FRMPD4: variants seen among roughly 807,000 people sequenced by gnomAD.
FRMPD4 encodes the protein FERM and PDZ domain-containing protein 4.
FRMPD4 carries 22 observed loss-of-function variants against 94.1 expected under a neutral mutation model. The observed-to-expected ratio is 0.23, with a 90% CI of 0.17 to 0.33. The LOEUF (loss-of-function observed/expected upper bound fraction) is 0.33. Among genes scored for constraint, FRMPD4 ranks in the 10% least tolerant of loss-of-function variants. FRMPD4 has a pLI of 1.00. For synonymous variants in FRMPD4, 631 were observed against 548.6 expected (o/e 1.15, Z -2.10); for missense variants, 1,111 against 1,339.9 (o/e 0.83, Z 2.67).
chrX:12,450,657 AAG>A (rs1286764189), intron 1 of FRMPD4, among the ~76,000 whole-genome samples: 3 of 110,799 alleles, frequency 2.7e-5, no homozygotes, highest in East Asian at 2.8e-4. Context: ...TACTTTTTGA[AAG>A]AGAGATTATT....
chrX:12,494,313 C>T (rs1221259364), intron 1 of FRMPD4, among the ~76,000 whole-genome samples: 1 of 111,789 alleles, frequency 8.9e-6, no homozygotes, highest in East Asian at 2.8e-4. Flanking sequence ...TCCTCCTCCC[C>T]TCAGTTGTGA....
intron 9 of FRMPD4, among the ~76,000 whole-genome samples, chrX:12,699,865 T>C (rs59616108): frequency 9.0e-6 from 1 of 110,988 alleles, no homozygotes; most frequent in African/African-American, 3.3e-5. Flanking sequence ...AGGATTGGAC[T>C]AAAAGGGCCT....
intron 9 of FRMPD4, among the ~76,000 whole-genome samples, chrX:12,694,772 A>G (rs2060111752): frequency 8.9e-6 from 1 of 112,202 alleles, no homozygotes; most frequent in Non-Finnish European, 1.9e-5. Context: ...ACAAATGTAT[A>G]TAATTTTTTT....
chrX:11,969,606 T>C (rs2147379674), intron 3 of FRMPD4, among the ~76,000 whole-genome samples: 1 of 112,005 alleles, frequency 8.9e-6, no homozygotes, highest in South Asian at 3.8e-4. Flanking sequence ...GCAGTGATCA[T>C]CAGGTTCAAA....
At chrX:12,101,469 T>C (rs1170802466) in intron 3 of FRMPD4, among the ~76,000 whole-genome samples, 1 of 111,975 alleles carries the variant, frequency 8.9e-6, no homozygotes, top group East Asian at 2.8e-4. Flanking sequence ...CTCTTCTACA[T>C]GGTTGCTCTT....
At chrX:11,843,565 C>T (rs1270770162) in intron 1 of FRMPD4, among the ~76,000 whole-genome samples, 4 of 110,529 alleles carry the variant, frequency 3.6e-5, no homozygotes, top group South Asian at 3.8e-4. Context: ...TCTTTTCTTT[C>T]CTTTTTCTTT....
At chrX:11,864,521 G>T (rs957733184) in intron 1 of FRMPD4, among the ~76,000 whole-genome samples, 1 of 111,780 alleles carries the variant, frequency 8.9e-6, no homozygotes, top group South Asian at 3.7e-4. Flanking sequence ...TTTGGGAAAA[G>T]TGTATATTTC....
At chrX:12,541,672 C>A (rs181105384) in intron 2 of FRMPD4, among the ~76,000 whole-genome samples, 1 of 112,013 alleles carries the variant, frequency 8.9e-6, no homozygotes. Flanking sequence ...CAAGAAGGAG[C>A]TGGTACCATT....
intron 16 of FRMPD4, among the ~76,000 whole-genome samples, chrX:12,720,099 G>T (rs1025474297): frequency 1.9e-5 from 2 of 106,524 alleles, no homozygotes; most frequent in Non-Finnish European, 3.9e-5. Context: ...AAAGAAAGGA[G>T]GAAGAAAGAA....
At chrX:12,467,589 T>G (rs190851717) in intron 1 of FRMPD4, among the ~76,000 whole-genome samples, 1 of 112,302 alleles carries the variant, frequency 8.9e-6, no homozygotes. Context: ...CAAAATAGAT[T>G]AAGAGAAAAT....
At chrX:12,385,070 G>A (rs1601882779) in intron 1 of FRMPD4, among the ~76,000 whole-genome samples, 1 of 112,084 alleles carries the variant, frequency 8.9e-6, no homozygotes, top group East Asian at 2.8e-4. Flanking sequence ...TGAGAAAGCT[G>A]TCCAGAGGAG....
intron 1 of FRMPD4, among the ~76,000 whole-genome samples, chrX:12,257,069 G>A (rs1197081915): frequency 1.8e-5 from 2 of 112,073 alleles, no homozygotes; most frequent in Non-Finnish European, 3.8e-5. Context: ...TATCATACTA[G>A]TTGAAATGAC....
chrX:12,700,776 A>G (rs746200892), intron 9 of FRMPD4, among the ~76,000 whole-genome samples: 1 of 112,634 alleles, frequency 8.9e-6, no homozygotes, highest in Non-Finnish European at 1.9e-5. Context: ...CCAGTGAGAT[A>G]GTATGAATCC....
intron 1 of FRMPD4, among the ~76,000 whole-genome samples, chrX:12,412,946 G>A (rs1362033476): frequency 9.1e-6 from 1 of 110,253 alleles, no homozygotes; most frequent in African/African-American, 3.3e-5. Context: ...GCCTCCATGG[G>A]TAGTAAAAAT....
chrX:12,197,424 C>T, intron 1 of FRMPD4, among the ~76,000 whole-genome samples: 1 of 111,804 alleles, frequency 8.9e-6, no homozygotes, highest in East Asian at 2.8e-4. Context: ...ATGTCTGCTC[C>T]TGGCCTTCTG....
At position 12,230,976 on chromosome X, in the gene FRMPD4, AT is replaced by A. The variant is rs770120182; in HGVS notation, c.41+91965del. Among the ~76,000 whole-genome samples the A allele has an allele frequency of 8.7e-3, 492 of 56,495 alleles. 2 individuals carry two copies. The highest frequency in any genetic ancestry group is 0.03 in the African/African-American group (468 of 15,548). 49.1% of individuals were successfully genotyped at this position (56,495 alleles called of 115,157 possible). A position where few individuals can be genotyped will look rare whatever the true frequency, so the allele number is the denominator to read the frequency against. On this transcript the variant is annotated intron_variant, in intron 1 of 16. Transcript: ENST00000675598. ...TAGTATATATAGTAAATATATAGTA[AT>A]ATATATAGTATATATAGTATATATA...
intron 1 of FRMPD4, among the ~76,000 whole-genome samples, chrX:12,477,412 A>C (rs763231699): frequency 8.9e-6 from 1 of 112,118 alleles, no homozygotes; most frequent in Non-Finnish European, 1.9e-5. Flanking sequence ...TATGTAACAA[A>C]CCTGCACGTT....
intron 1 of FRMPD4, among the ~76,000 whole-genome samples, chrX:12,178,142 T>A (rs2056317022): frequency 9.0e-6 from 1 of 111,472 alleles, no homozygotes; most frequent in East Asian, 2.8e-4. Flanking sequence ...GGAGCTTGTT[T>A]GCCCCTTCTG....
intron 1 of FRMPD4, among the ~76,000 whole-genome samples, chrX:12,194,733 T>G (rs1366231130): frequency 8.9e-6 from 1 of 112,082 alleles, no homozygotes. Flanking sequence ...AACAAAGGCA[T>G]GCTGAAAAGC....
Sources: allele counts gnomAD v4.1 joint callset (sites outside exome capture counted in the v4.1 genomes callset), GRCh38; gene constraint gnomAD v4.1.1; transcripts MANE v1.5; gene names NCBI Gene and HGNC (gene_info 2026-07-23, HGNC 2026-07-21).